Variants in KIF5A observed in about 807,000 individuals in gnomAD.
The protein encoded by KIF5A is kinesin family member 5A.
In KIF5A, 35 loss-of-function variants were observed where a neutral mutation model predicts 141.3. The observed-to-expected ratio is 0.25, with a 90% CI of 0.19 to 0.33. KIF5A has a LOEUF of 0.33. KIF5A is among the 10% of genes least tolerant of loss of function. The pLI is 1.00. For synonymous variants in KIF5A, 448 were observed against 500.2 expected (o/e 0.90, Z 1.39); for missense variants, 861 against 1,314.3 (o/e 0.66, Z 5.33).
intron 7 of KIF5A, 37 bp from the exon 8 acceptor site, chr12:57,567,457 G>T: frequency 6.2e-7 from 1 of 1,611,266 alleles, no homozygotes; most frequent in Non-Finnish European, 8.5e-7. Flanking sequence ...CAGTTCTGCA[G>T]GGTGGTGCAG....
At chr12:57,567,751 C>T (rs1359394437) in intron 8 of KIF5A, 133 bp downstream of exon 8, 1 of 941,012 alleles carries the variant, frequency 1.1e-6, no homozygotes, top group Non-Finnish European at 1.5e-6. Context: ...ACCTCCGCCT[C>T]CTGGGTTTAA....
chr12:57,575,413 C>A, intron 16 of KIF5A, 141 bp downstream of exon 16: 1 of 1,062,418 alleles, frequency 9.4e-7, no homozygotes, highest in African/African-American at 1.6e-5. Context: ...GCTGGGGTGG[C>A]AGGGGTGCAG....
chr12:57,572,443 C>A lies in KIF5A; in HGVS notation c.1570-137C>A. On this transcript the variant is annotated intron_variant, in intron 14 of 28. Transcript: ENST00000455537. This position sits in a 1 kb window ranked among gnomAD's most constrained non-coding sequence, Gnocchi z 4.2. ...CACTTTCCCCTCACAGTCCCTCTGT[C>A]TTTCAGACTCTTCTGCAGGGCCTGT... 7.5e-7 allele frequency: 1 copy of A among 1,325,206 alleles called. No individual in the cohort carries two copies. Among genetic ancestry groups the A allele is most frequent in the Non-Finnish European group, 1.1e-6 (1 of 943,818 alleles). 82.1% of individuals were successfully genotyped at this position (1,325,206 alleles called of 1,614,324 possible).
chr12:57,554,849 AACTC>A (rs1433728364), intron 1 of KIF5A, among the ~76,000 whole-genome samples: 1 of 152,298 alleles, frequency 6.6e-6, no homozygotes, highest in East Asian at 1.9e-4. Context: ...ATAAAGCGAT[AACTC>A]ACTCATTACC....
chr12:57,582,079 A>T, intron 26 of KIF5A, 127 bp downstream of exon 26: 1 of 287,820 alleles, frequency 3.5e-6, no homozygotes, highest in South Asian at 6.0e-5. Context: ...GGCTTCAAAT[A>T]AAAAAAAAAA....
intron 20 of KIF5A, 129 bp downstream of exon 20, chr12:57,576,991 G>T (rs993098225): frequency 2.9e-6 from 2 of 700,226 alleles, no homozygotes. Context: ...ATATGATGGG[G>T]TAGGGACGGG....
intron 25 of KIF5A, 78 bp from the exon 26 acceptor site, chr12:57,581,792 G>A: frequency 7.3e-7 from 1 of 1,374,370 alleles, no homozygotes; most frequent in South Asian, 1.2e-5. Context: ...CTATCACTGA[G>A]GATGAGTGTG....
Position 57,578,150 on chromosome 12 carries a change from G to A in KIF5A, c.2433+70G>A. ...CTATCCTTAGGTTTCTCCTGCCCCT[G>A]TTGCCCCTATGGGGCTGGCTTGGCC... On this transcript the variant is annotated intron_variant, in intron 22 of 28. Coordinates refer to ENST00000455537, the MANE Select transcript of KIF5A (RefSeq NM_004984.4). The A allele has an allele frequency of 3.8e-6, 6 of 1,578,434 alleles. No individual in the cohort carries two copies. In the Admixed American group the frequency reaches 1.0e-4, roughly 26 times the overall value.
Position 57,565,016 on chromosome 12 carries a change from A to C in KIF5A, c.501+43A>C, listed in dbSNP as rs77884162. 2.5e-3 allele frequency: 3,894 copies of C among 1,577,686 alleles called. 85 individuals are homozygous for C. The African/African-American group carries it at 0.039, about 16-fold the overall frequency. On this transcript the variant is annotated intron_variant, in intron 6 of 28. Transcript: ENST00000455537. ...GCACCTATGTGGGGCCAGTGTATTG[A>C]GAATGTTGGTGGGGGAGGAGCATAG...
chr12:57,564,324 G>C (rs1881999156), intron 4 of KIF5A, 112 bp downstream of exon 4: 1 of 1,086,388 alleles, frequency 9.2e-7, no homozygotes. Context: ...CCGGTTACCA[G>C]AGTTCTTTGT....
In KIF5A at chr12:57,581,473, C is replaced by T. The variant is rs757963882; in HGVS notation, c.2814C>T (p.Thr938=). The change falls in exon 25 of 29, where the codon ACC becomes ACT. Residue 938 remains threonine, a synonymous_variant. Transcript: ENST00000455537. ...PASSPTNPYG[T]RSPECISYTN... ...CCTCACCCACCAACCCCTATGGCAC[C>T]CGGAGCCCTGAGTGCATCAGTTACA... 1.2e-6 allele frequency: 2 copies of T among 1,613,928 alleles called. No homozygotes were observed. Among genetic ancestry groups the T allele is most frequent in the African/African-American group, 2.7e-5 (2 of 74,872 alleles).
intron 19 of KIF5A, 70 bp downstream of exon 19, chr12:57,576,448 C>A: frequency 1.7e-6 from 2 of 1,168,950 alleles, no homozygotes; most frequent in Non-Finnish European, 2.5e-6. Flanking sequence ...CTCACATGTC[C>A]CCTCTGGGTC....
At chr12:57,576,410 C>G in intron 19 of KIF5A, 32 bp downstream of exon 19, 5 of 1,539,910 alleles carry the variant, frequency 3.2e-6, no homozygotes, top group Non-Finnish European at 4.5e-6. Context: ...TCCAGCCCCT[C>G]CCGGGTCCTG....
intron 17 of KIF5A, 71 bp downstream of exon 17, chr12:57,575,828 C>A: frequency 8.9e-7 from 1 of 1,127,014 alleles, no homozygotes; most frequent in Non-Finnish European, 1.4e-6. Flanking sequence ...TAAATCACCC[C>A]AATAATCACT....
At chr12:57,578,947 C>T (rs780046892) in intron 23 of KIF5A, among the ~76,000 whole-genome samples, 1 of 152,056 alleles carries the variant, frequency 6.6e-6, no homozygotes, top group African/African-American at 2.4e-5. Flanking sequence ...ACCCATAGTC[C>T]CAGCTACTTG....
intron 16 of KIF5A, 72 bp downstream of exon 16, chr12:57,575,344 C>A: frequency 1.4e-6 from 2 of 1,432,844 alleles, no homozygotes; most frequent in Non-Finnish European, 1.9e-6. Flanking sequence ...ATGGCTAAAA[C>A]TCCTAACACC....
rs1487552322 is a variant in KIF5A, at chr12:57,586,604, T to C, written c.*2423T>C. On this transcript the variant is annotated 3_prime_UTR_variant, in exon 29 of 29. Transcript: ENST00000455537. ...TTTACTTGGTGTACATAGATAACTT[T>C]AAAATAAAATAAATTCAATGATAAC... The C allele has an allele frequency of 6.6e-6, 1 of 152,240 alleles. No individual in the cohort carries two copies. Among genetic ancestry groups the C allele is most frequent in the Non-Finnish European group, 1.5e-5 (1 of 68,034 alleles). 9.4% of individuals were successfully genotyped at this position (152,240 alleles called of 1,614,324 possible). A position where few individuals can be genotyped will look rare whatever the true frequency, so the allele number is the denominator to read the frequency against.
Position 57,550,551 on chromosome 12 carries a change from A to G in KIF5A, c.129+151A>G. 1 of 854,026 alleles carries G rather than the reference A, an allele frequency of 1.2e-6. No individual in the cohort carries two copies. The highest frequency in any genetic ancestry group is 1.8e-6 in the Non-Finnish European group (1 of 547,356). The allele number at this position is 854,026 out of a possible 1,614,324, so 52.9% of individuals were successfully genotyped here. A position where few individuals can be genotyped will look rare whatever the true frequency, so the allele number is the denominator to read the frequency against. ...CCCCGCAGCCCCTCCTCTCCCCTGC[A>G]TCAGGATGGCTGGGTGTGGCCTGGC... On this transcript the variant is annotated intron_variant, in intron 1 of 28. Coordinates refer to ENST00000455537, the MANE Select transcript of KIF5A (RefSeq NM_004984.4). The surrounding 1 kb of genome is among the most constrained non-coding windows in gnomAD (Gnocchi z 4.6).
chr12:57,550,208 T>C lies in KIF5A; in HGVS notation c.-64T>C. 6.2e-7 allele frequency: 1 copy of C among 1,610,034 alleles called. No homozygotes were observed. Among genetic ancestry groups the C allele is most frequent in the South Asian group, 1.1e-5 (1 of 90,984 alleles). ...GCCTCGGCCTCTGCTGAGAGCCCTC[T>C]CCTCTGGAGCACACACCACCCCTGC... On this transcript the variant is annotated 5_prime_UTR_variant, in exon 1 of 29. Coordinates refer to ENST00000455537, the MANE Select transcript of KIF5A (RefSeq NM_004984.4). This position sits in a 1 kb window ranked among gnomAD's most constrained non-coding sequence, Gnocchi z 4.6.
Sources: gnomAD v4.1 joint callset for allele counts (sites outside exome capture counted in the v4.1 genomes callset) on GRCh38, gnomAD v4.1.1 for gene constraint, Gnocchi (gnomAD v3.1) non-coding constraint, MANE v1.5 for transcripts, NCBI Gene and HGNC (gene_info 2026-07-23, HGNC 2026-07-21) for gene names.